Variants in ZYG11B observed in about 807,000 individuals in gnomAD.
ZYG11B encodes the protein zyg-11 family member B, cell cycle regulator.
A neutral mutation model predicts 82.4 loss-of-function variants in ZYG11B; 36 were observed. That is an observed-to-expected ratio of 0.44 (90% CI 0.33 to 0.58). The LOEUF is 0.58. Among genes scored for constraint, ZYG11B ranks in the 20% least tolerant of loss-of-function variants. The pLI is 0.02. For missense variants in ZYG11B, 552 were observed against 895.6 expected, an observed-to-expected ratio of 0.62 and a Z score of 4.90; for synonymous variants, 303 against 312.8, an observed-to-expected ratio of 0.97 and a Z score of 0.33.
intron 12 of ZYG11B, among the ~76,000 whole-genome samples, 171 bp downstream of exon 12, chr1:52,814,083 T>G (rs1035040559): frequency 6.6e-6 from 1 of 152,110 alleles, no homozygotes; most frequent in Non-Finnish European, 1.5e-5. Flanking sequence ...GTGCAGTGCA[T>G]GATCTTGGCT....
chr1:52,803,111 TATATATACACACATATATATATAC>T lies in ZYG11B; in HGVS notation c.1695+974_1695+997del, dbSNP rs1558140063. ...ACATATATATATACATATATATATA[TATATATACACACATATATATATAC>T]ACACATATATATATATATACACATA... is the stretch of plus-strand genomic sequence containing the variant. On this transcript the variant is annotated intron_variant, in intron 10 of 13. Transcript: ENST00000294353. Among the ~76,000 whole-genome samples the T allele has an allele frequency of 1.2e-3, 113 of 90,686 alleles. 5 individuals carry two copies. The highest frequency in any genetic ancestry group is 8.0e-3 in the East Asian group (12 of 1,496). The allele number at this position is 90,686 out of a possible 152,430, so 59.5% of individuals were successfully genotyped here. A position where few individuals can be genotyped will look rare whatever the true frequency, so the allele number is the denominator to read the frequency against.
intron 1 of ZYG11B, among the ~76,000 whole-genome samples, chr1:52,751,401 G>A (rs1160092300): frequency 6.6e-6 from 1 of 151,614 alleles, no homozygotes; most frequent in East Asian, 1.9e-4. Context: ...AGGCCGAGGC[G>A]GGCAGATCAC....
chr1:52,808,326 T>C lies in ZYG11B; in HGVS notation c.1696-5210T>C, dbSNP rs1302278638. Reference sequence around the variant, plus strand: ...TTGCAGTGAGCCGAGATCACGCCATTGCACTCCAGCCTGGGCAACAAGAGC... The same window carrying C: ...TTGCAGTGAGCCGAGATCACGCCATCGCACTCCAGCCTGGGCAACAAGAGC... On this transcript the variant is annotated intron_variant, in intron 10 of 13. Coordinates refer to ENST00000294353, the MANE Select transcript of ZYG11B (RefSeq NM_024646.3). Among the ~76,000 whole-genome samples the C allele has an allele frequency of 2.6e-5, 4 of 152,046 alleles. No individual in the cohort carries two copies. In the South Asian group the frequency reaches 8.3e-4, roughly 32 times the overall value.
At chr1:52,766,108 A>T in intron 2 of ZYG11B, among the ~76,000 whole-genome samples, 2 of 138,744 alleles carry the variant, frequency 1.4e-5, no homozygotes, top group Admixed American at 6.9e-5. Flanking sequence ...TTCCTTATTA[A>T]ATTTTTTTTA....
chr1:52,780,210 C>T (rs560730573), intron 4 of ZYG11B, among the ~76,000 whole-genome samples: 2 of 152,234 alleles, frequency 1.3e-5, no homozygotes, highest in South Asian at 2.1e-4. Flanking sequence ...ATATAAATGT[C>T]TTGTAGTACA....
At chr1:52,769,849 A>G (rs1353030637) in intron 2 of ZYG11B, among the ~76,000 whole-genome samples, 1 of 152,092 alleles carries the variant, frequency 6.6e-6, no homozygotes, top group African/African-American at 2.4e-5. Context: ...CATTCACCCC[A>G]TACTATTCTT....
At chr1:52,812,795 C>G (rs1353541875) in intron 10 of ZYG11B, among the ~76,000 whole-genome samples, 1 of 152,024 alleles carries the variant, frequency 6.6e-6, no homozygotes, top group East Asian at 1.9e-4. Flanking sequence ...GGTGGGATCT[C>G]AGCTCACTGT....
At chr1:52,768,217 G>A (rs1644715115) in intron 2 of ZYG11B, among the ~76,000 whole-genome samples, 1 of 152,108 alleles carries the variant, frequency 6.6e-6, no homozygotes, top group Admixed American at 6.6e-5. Context: ...GATTTTGGGG[G>A]AGGTTTTTGT....
chr1:52,741,719 G>A (rs912212400), intron 1 of ZYG11B, among the ~76,000 whole-genome samples: 9 of 152,098 alleles, frequency 5.9e-5, no homozygotes, highest in African/African-American at 2.2e-4. Flanking sequence ...CATTTATTGA[G>A]CAGGTAGTAT....
chr1:52,791,620 C>T (rs750420402), intron 6 of ZYG11B, among the ~76,000 whole-genome samples: 23 of 152,130 alleles, frequency 1.5e-4, no homozygotes, highest in Non-Finnish European at 2.4e-4. Flanking sequence ...CCACCCACCT[C>T]GGCCTCCCAA....
chr1:52,741,288 G>A (rs1205795954), intron 1 of ZYG11B, among the ~76,000 whole-genome samples: 1 of 100,612 alleles, frequency 9.9e-6, no homozygotes, highest in Non-Finnish European at 1.8e-5. Context: ...AAAAGAGTGA[G>A]ACTTCGTCTC....
At chr1:52,783,525 G>GTATA (rs1240927666) in intron 4 of ZYG11B, among the ~76,000 whole-genome samples, 4 of 151,472 alleles carry the variant, frequency 2.6e-5, no homozygotes, top group African/African-American at 9.7e-5. Context: ...AAGGTGACAT[G>GTATA]TATATGTACG....
chr1:52,797,145 AT>A (rs1645023798), intron 8 of ZYG11B, among the ~76,000 whole-genome samples: 1 of 76,230 alleles, frequency 1.3e-5, no homozygotes, highest in Non-Finnish European at 2.1e-5. Context: ...TATATATTAT[AT>A]ATTATATATT....
chr1:52,816,354 T>G (rs1645223692), intron 12 of ZYG11B, among the ~76,000 whole-genome samples, 178 bp from the exon 13 acceptor site: 1 of 152,214 alleles, frequency 6.6e-6, no homozygotes, highest in South Asian at 2.1e-4. Context: ...CTGAGTCATG[T>G]CTGAATGCAG....
rs546178877 is a variant in ZYG11B at position 52,823,518 on chromosome 1, G to GTTTTT, written c.*1901_*1905dup. ...GACAAAATAGAGAATTCTTTTAAAA[G>GTTTTT]TTTTTTTTTTTTTTTTCCTTTTTCG... is the stretch of plus-strand genomic sequence containing the variant. On this transcript the variant is annotated 3_prime_UTR_variant, in exon 14 of 14. Coordinates refer to ENST00000294353, the MANE Select transcript of ZYG11B (RefSeq NM_024646.3). The GTTTTT allele has an allele frequency of 7.4e-6, 1 of 136,032 alleles. No individual in the cohort carries two copies. The highest frequency in any genetic ancestry group is 1.6e-5 in the Non-Finnish European group (1 of 61,748). 8.4% of individuals were successfully genotyped at this position (136,032 alleles called of 1,614,324 possible).
At chr1:52,794,164 C>T (rs576584282) in intron 6 of ZYG11B, among the ~76,000 whole-genome samples, 10 of 151,860 alleles carry the variant, frequency 6.6e-5, no homozygotes, top group Middle Eastern at 3.2e-3. Flanking sequence ...TTAGTAGAGA[C>T]GAGGTTTCAC....
At chr1:52,769,549 T>C (rs1270916408) in intron 2 of ZYG11B, among the ~76,000 whole-genome samples, 13 of 152,208 alleles carry the variant, frequency 8.5e-5, no homozygotes, top group Admixed American at 8.5e-4. Flanking sequence ...CTAGTGACTA[T>C]GTATTGGGCA....
At chr1:52,783,851 CGTGTGTGTGTATGTACAT>C in intron 4 of ZYG11B, among the ~76,000 whole-genome samples, 2 of 51,918 alleles carry the variant, frequency 3.9e-5, no homozygotes, top group East Asian at 8.5e-4. Context: ...TGTACATACA[CGTGTGTGTGTATGTACAT>C]ACACGTGTGT....
chr1:52,814,239 T>C (rs995589491), intron 12 of ZYG11B, among the ~76,000 whole-genome samples: 3 of 152,190 alleles, frequency 2.0e-5, no homozygotes, highest in South Asian at 2.1e-4. Context: ...CAGGCTGGTC[T>C]TGAACTCCTG....
Sources: allele counts gnomAD v4.1 joint callset (sites outside exome capture counted in the v4.1 genomes callset), GRCh38; gene constraint gnomAD v4.1.1; transcripts MANE v1.5; gene names NCBI Gene and HGNC (gene_info 2026-07-23, HGNC 2026-07-21).